The following PI4KB variants were observed in gnomAD, a reference collection of about 807,000 sequenced individuals.
PI4KB encodes the protein PtdIns 4-kinase beta.
A neutral mutation model predicts 81.4 loss-of-function variants in PI4KB; 23 were observed. The observed-to-expected ratio is 0.28, with a 90% confidence interval of 0.20 to 0.40. PI4KB has a LOEUF of 0.40. PI4KB is among the 10% of genes least tolerant of loss of function. The pLI, the probability that PI4KB is intolerant of heterozygous loss-of-function variation, is 1.00. For synonymous variants in PI4KB, 381 were observed against 406.8 expected (o/e 0.94, Z 0.76); for missense variants, 651 against 1,036.6 (o/e 0.63, Z 5.11).
At chr1:151,326,224 G>A (rs1649593243) in intron 1 of PI4KB, 6 of 1,594,280 alleles carry the variant, frequency 3.8e-6, no homozygotes, top group Non-Finnish European at 4.3e-6. Context: ...TGGCTGCTCC[G>A]GAGTAGTCAA....
In PI4KB at chr1:151,326,958, G is replaced by A. The variant is rs188177318; in HGVS notation, c.-29+313C>T. 3.5e-4 allele frequency among the ~76,000 whole-genome samples: 53 copies of A among 152,294 alleles called. 1 individual carries two copies. The East Asian group carries it at 0.01, about 29-fold the overall frequency. ...GGAAGGACAAGGATGGGCATTATGG[G>A]AGTCGTCTGATATGGAAAGGGTTCA... On this transcript the variant is annotated intron_variant, in intron 1 of 11. Coordinates refer to ENST00000368873, the MANE Select transcript of PI4KB (RefSeq NM_001369623.2).
chr1:151,302,611 T>C (rs1285189828), intron 6 of PI4KB, among the ~76,000 whole-genome samples: 7 of 150,302 alleles, frequency 4.7e-5, no homozygotes, highest in South Asian at 2.1e-4. Context: ...AGAATCTCGC[T>C]GTGTCTCCCA....
At chr1:151,303,895 G>C (rs776206004) in intron 5 of PI4KB, among the ~76,000 whole-genome samples, 12 of 152,116 alleles carry the variant, frequency 7.9e-5, no homozygotes, top group Non-Finnish European at 1.3e-4. Context: ...ATAATTACTA[G>C]GAATGGGATC....
chr1:151,327,215 G>GCGGGGGGCCCCCC, intron 1 of PI4KB, 56 bp downstream of exon 1: 1 of 49,688 alleles, frequency 2.0e-5, no homozygotes, highest in Non-Finnish European at 4.5e-5. Context: ...GTGGGAGAGG[G>GCGGGGGGCCCCCC]ACCCCCCCCC....
chr1:151,311,689 G>C (rs1246987045), intron 2 of PI4KB, among the ~76,000 whole-genome samples: 2 of 152,206 alleles, frequency 1.3e-5, no homozygotes, highest in African/African-American at 4.8e-5. Flanking sequence ...GGTCCTGTCT[G>C]ACTCATTGAC....
intron 1 of PI4KB, chr1:151,326,271 C>G (rs1269849318): frequency 7.5e-7 from 1 of 1,332,742 alleles, no homozygotes; most frequent in Non-Finnish European, 1.0e-6. Context: ...TCAAAACTTG[C>G]TCCGGCCTTC....
At chr1:151,326,379 A>G (rs546204521) in intron 1 of PI4KB, 35 of 578,678 alleles carry the variant, frequency 6.0e-5, no homozygotes, top group East Asian at 4.8e-4. Context: ...TGATCCTGAA[A>G]TAAGTGGTAT....
In PI4KB at chr1:151,316,287, G is replaced by A. The variant is rs201358714; in HGVS notation, c.195C>T (p.Gly65=). ...GGGTGCCTCTGCTAGAGACTGCCAC[G>A]CCTCCATGCAAAAGCTTGACTTTCT... ...VLEKVKLLHG[G]VAVSSRGTPL... is the part of the protein sequence containing the mutation. The change falls in exon 2 of 12, where the codon GGC becomes GGT. Residue 65 remains glycine (G), a synonymous_variant. Transcript: ENST00000368873. 25 of 1,614,070 alleles carry A rather than the reference G, an allele frequency of 1.5e-5. No homozygotes were observed. The Middle Eastern group carries it at 6.6e-4, about 43-fold the overall frequency.
intron 5 of PI4KB, 94 bp downstream of exon 5, chr1:151,306,042 C>A (rs1695728932): frequency 5.9e-6 from 6 of 1,014,544 alleles, no homozygotes; most frequent in Non-Finnish European, 9.0e-6. Context: ...CTTGCCTTAC[C>A]CTGCCTTGGG....
At chr1:151,306,047 C>T (rs1191962097) in intron 5 of PI4KB, 89 bp downstream of exon 5, 1 of 1,069,968 alleles carries the variant, frequency 9.3e-7, no homozygotes, top group Non-Finnish European at 1.4e-6. Flanking sequence ...CTTACCCTGC[C>T]TTGGGATATG....
At chr1:151,297,360 T>C (rs189764906) in intron 9 of PI4KB, among the ~76,000 whole-genome samples, 1 of 139,510 alleles carries the variant, frequency 7.2e-6, no homozygotes, top group Non-Finnish European at 1.6e-5. Flanking sequence ...TTTTTTTTTT[T>C]TTTTTGAGAC....
chr1:151,292,319 ACGCAGCGCCCG>A lies in PI4KB; in HGVS notation c.*522_*532del, dbSNP rs1694348937. 6.4e-6 allele frequency: 1 copy of A among 156,500 alleles called. No individual in the cohort carries two copies. Among genetic ancestry groups the A allele is most frequent in the African/African-American group, 2.4e-5 (1 of 41,396 alleles). The allele number at this position is 156,500 out of a possible 1,614,324, so 9.7% of individuals were successfully genotyped here. On this transcript the variant is annotated 3_prime_UTR_variant, in exon 12 of 12. Transcript: ENST00000368873. ...GGGAACCTCAGCAAGTGCAGGGCCC[ACGCAGCGCCCG>A]CCAGCAAGGGGAGCTTGGGCCAGGG...
chr1:151,302,573 TTTTC>T (rs1157577219), intron 6 of PI4KB, among the ~76,000 whole-genome samples: 14 of 148,648 alleles, frequency 9.4e-5, no homozygotes, highest in African/African-American at 2.7e-4. Flanking sequence ...TTTTCTTTTC[TTTTC>T]TTTTTTTTTT....
chr1:151,311,416 G>C (rs998984298), intron 2 of PI4KB, among the ~76,000 whole-genome samples: 4 of 152,230 alleles, frequency 2.6e-5, no homozygotes, highest in Admixed American at 2.6e-4. Context: ...TTCTATTCTA[G>C]CTGGAGGTCC....
At chr1:151,321,873 A>T (rs1010607594) in intron 1 of PI4KB, among the ~76,000 whole-genome samples, 7 of 122,100 alleles carry the variant, frequency 5.7e-5, no homozygotes, top group Middle Eastern at 3.8e-3. Flanking sequence ...ACTCTGTCTT[A>T]AAAAAAAAAA....
chr1:151,303,700 T>A (rs372347729), intron 5 of PI4KB, 50 bp from the exon 6 acceptor site: 2 of 1,159,190 alleles, frequency 1.7e-6, no homozygotes, highest in Non-Finnish European at 2.6e-6. Context: ...AGGTCTCCCG[T>A]CTTTCCCCTC....
intron 2 of PI4KB, among the ~76,000 whole-genome samples, chr1:151,311,745 T>C (rs1402639727): frequency 6.6e-6 from 1 of 152,170 alleles, no homozygotes; most frequent in Non-Finnish European, 1.5e-5. Flanking sequence ...CCTCTCCTAC[T>C]CCCTGGGCTT....
Position 151,313,514 on chromosome 1 carries a change from G to A in PI4KB, c.909+2059C>T, listed in dbSNP as rs370503001. On this transcript the variant is annotated intron_variant, in intron 2 of 11. Transcript: ENST00000368873. ...CACTACAAAATGGATAAAGAGAAAA[G>A]CCAAGCCTGACAAGAGGCACCAAGG... Among the ~76,000 whole-genome samples the A allele has an allele frequency of 1.2e-4, 18 of 152,292 alleles. No homozygotes were observed. In the East Asian group the frequency reaches 3.3e-3, roughly 28 times the overall value.
chr1:151,292,530 AAGG>A lies in PI4KB; in HGVS notation c.*319_*321del, dbSNP rs1694376166. The A allele has an allele frequency of 3.6e-6, 1 of 279,884 alleles. No homozygotes were observed. The highest frequency in any genetic ancestry group is 6.8e-6 in the Non-Finnish European group (1 of 146,422). The allele number at this position is 279,884 out of a possible 1,614,324, so 17.3% of individuals were successfully genotyped here. ...GAAAGAACCTCTGAGAGACCCCTAC[AAGG>A]AGAAGAAAGGCCCCAGTGTCCCTCA... On this transcript the variant is annotated 3_prime_UTR_variant, in exon 12 of 12. Transcript: ENST00000368873.
Sources: gnomAD v4.1 joint callset for allele counts (sites outside exome capture counted in the v4.1 genomes callset) on GRCh38, gnomAD v4.1.1 for gene constraint, MANE v1.5 for transcripts, NCBI Gene and HGNC (gene_info 2026-07-23, HGNC 2026-07-21) for gene names.